EPS8L2: variants seen among roughly 807,000 people sequenced by gnomAD.
The protein encoded by EPS8L2 is EPS8 signaling adaptor L2.
In EPS8L2, 81 loss-of-function variants were observed where a neutral mutation model predicts 99.4. That is an observed-to-expected ratio of 0.82 (90% confidence interval 0.68 to 0.98). The LOEUF (loss-of-function observed/expected upper bound fraction) is 0.98, where lower values mean the gene tolerates loss of function less well. EPS8L2 is among the 50% of genes least tolerant of loss of function. The pLI is 0.00. For missense variants in EPS8L2, 1,155 were observed against 968.8 expected (o/e 1.19, Z -2.55); for synonymous variants, 509 against 407.3 (o/e 1.25, Z -3.01).
intron 8 of EPS8L2, 24 bp from the exon 9 acceptor site, chr11:721,261 A>G: frequency 6.5e-7 from 1 of 1,536,258 alleles, no homozygotes; most frequent in Non-Finnish European, 8.7e-7. Flanking sequence ...GGGCTCGGTG[A>G]GCAGCCGCCG....
At chr11:709,794 C>A (rs544961905) in intron 3 of EPS8L2, 186 bp downstream of exon 3, 5 of 639,722 alleles carry the variant, frequency 7.8e-6, no homozygotes, top group South Asian at 5.6e-5. Context: ...TCCCCTCCCC[C>A]ACACCCGTAA....
In EPS8L2 at chr11:709,434, C is replaced by G. The variant is rs748260843; in HGVS notation, c.27C>G (p.Cys9Trp). 1.9e-6 allele frequency: 3 copies of G among 1,596,208 alleles called. No homozygotes were observed. In the African/African-American group the frequency reaches 4.0e-5, roughly 21 times the overall value. ...TGAGCCAGTCCGGGGCCGTGAGCTG[C>G]TGCCCGGGTGCCACCAAGTGAGCCC... MSQSGAVS[C>W]CPGATNGSLG... The change falls in exon 2 of 21, where the codon TGC (cysteine) becomes TGG (tryptophan). Residue 9 changes from cysteine (C) to tryptophan (W), a missense_variant. Coordinates refer to ENST00000318562, the MANE Select transcript of EPS8L2 (RefSeq NM_022772.4).
chr11:726,962 G>A lies in EPS8L2; in HGVS notation c.2129G>A (p.Arg710Lys), dbSNP rs747551754. ...AACAAGTTTCATTCCATGAATCAGA[G>A]GAGGGGGGAGGACAGCTAGGCCCAG... ...LMNKFHSMNQ[R>K]RGEDS is the part of the protein sequence containing the mutation. The change falls in exon 21 of 21, where the codon AGG (arginine) becomes AAG (lysine). Residue 710 changes from arginine to lysine, a missense_variant. By Grantham distance (26) the Arg-to-Lys change is conservative (BLOSUM62 2). Coordinates refer to ENST00000318562, the MANE Select transcript of EPS8L2 (RefSeq NM_022772.4). 2 of 1,613,302 alleles carry A rather than the reference G, an allele frequency of 1.2e-6. No individual in the cohort carries two copies. The highest frequency in any genetic ancestry group is 1.1e-5 in the South Asian group (1 of 90,988).
At position 709,580 on chromosome 11, in the gene EPS8L2, G is replaced by C; in HGVS notation, c.72G>C (p.Val24=). The C allele has an allele frequency of 6.2e-7, 1 of 1,613,116 alleles. No individual in the cohort carries two copies. Among genetic ancestry groups the C allele is most frequent in the South Asian group, 1.1e-5 (1 of 91,062 alleles). ...GCAGCCTGGGCCGGTCCGACGGTGT[G>C]GCCAAGATGAGCCCCAAGGACCTGT... The part of the protein sequence containing the change: ...TNGSLGRSDG[V]AKMSPKDLFE... The change falls in exon 3 of 21, where the codon GTG becomes GTC. Residue 24 remains valine (V), a synonymous_variant. Coordinates refer to ENST00000318562, the MANE Select transcript of EPS8L2 (RefSeq NM_022772.4).
rs760933385 is a variant in EPS8L2 at position 722,727 on chromosome 11, C to T, written c.1263C>T (p.Ser421=). 1.1e-5 allele frequency: 17 copies of T among 1,607,424 alleles called. No individual in the cohort carries two copies. Among genetic ancestry groups the T allele is most frequent in the East Asian group, 6.7e-5 (3 of 44,638 alleles). The stretch of plus-strand genomic sequence containing the variant: ...CCCTCTACGTGCCCAAGTTCCACAG[C>T]GGCTGGGAGCCTCCTGTGGATGTGC... ...QVPLYVPKFH[S]GWEPPVDVLQ... The change falls in exon 14 of 21, where the codon AGC becomes AGT. Residue 421 remains serine, a synonymous_variant. Transcript: ENST00000318562.
Position 724,613 on chromosome 11 carries a change from GAA to G in EPS8L2, c.1455-108_1455-107del. ...TCTCTCCACGGTGACCTCCAGAACA[GAA>G]AAGAGGCAGCCAGTCGTGCACCTGG... On this transcript the variant is annotated intron_variant, in intron 15 of 20. Transcript: ENST00000318562. The surrounding 1 kb of genome is among the most constrained non-coding windows in gnomAD (Gnocchi z 5.5). 2.7e-6 allele frequency: 2 copies of G among 747,926 alleles called. No individual in the cohort carries two copies. The highest frequency in any genetic ancestry group is 3.0e-5 in the South Asian group (2 of 67,192). 46.3% of individuals were successfully genotyped at this position (747,926 alleles called of 1,614,324 possible). A position where few individuals can be genotyped will look rare whatever the true frequency, so the allele number is the denominator to read the frequency against.
chr11:711,876 G>C (rs1338212722), intron 4 of EPS8L2, among the ~76,000 whole-genome samples: 1 of 151,956 alleles, frequency 6.6e-6, no homozygotes, highest in Non-Finnish European at 1.5e-5. Flanking sequence ...CCAGCTACTC[G>C]GGAGGCTGAG....
At chr11:713,835 C>T (rs555089404) in intron 4 of EPS8L2, among the ~76,000 whole-genome samples, 6 of 152,228 alleles carry the variant, frequency 3.9e-5, no homozygotes, top group Non-Finnish European at 7.3e-5. Context: ...CGTGAGCCAC[C>T]GTGCCTGGCC....
intron 1 of EPS8L2, among the ~76,000 whole-genome samples, chr11:706,977 C>G (rs1215539868): frequency 1.3e-5 from 2 of 152,160 alleles, no homozygotes; most frequent in Middle Eastern, 3.4e-3. Context: ...CTGGCGTTGC[C>G]CCTTGCTGCG....
In EPS8L2 at chr11:725,820, G is replaced by A. The variant is rs770200365; in HGVS notation, c.1653G>A (p.Pro551=). The change falls in exon 17 of 21, where the codon CCG becomes CCA. Residue 551 remains proline (P), a synonymous_variant. Transcript: ENST00000318562. ...GCAACATCCTAGGCGAGGCGCGACC[G>A]GAGGACGCCGGCGCCCCGTTCGAGC... is the stretch of plus-strand genomic sequence containing the variant. ...VPCNILGEAR[P]EDAGAPFEQA... 6 of 1,385,982 alleles carry A rather than the reference G, an allele frequency of 4.3e-6. No homozygotes were observed. The highest frequency in any genetic ancestry group is 2.8e-4 in the Middle Eastern group (1 of 3,630). 85.9% of individuals were successfully genotyped at this position (1,385,982 alleles called of 1,614,324 possible). A position where few individuals can be genotyped will look rare whatever the true frequency, so the allele number is the denominator to read the frequency against.
At position 722,379 on chromosome 11, in the gene EPS8L2, T is replaced by G. The variant is rs1445292779; in HGVS notation, c.1060-22T>G. The G allele has an allele frequency of 1.9e-6, 3 of 1,611,134 alleles. No homozygotes were observed. The Admixed American group carries it at 5.0e-5, about 27-fold the overall frequency. On this transcript the variant is annotated intron_variant, in intron 12 of 20. Coordinates refer to ENST00000318562, the MANE Select transcript of EPS8L2 (RefSeq NM_022772.4). ...CCAGGGTCTGTGGGCCTCAGTCCCCTCTGAACCTCACTGTGCCCCAGATCG... is the reference window on the plus strand; with the variant it reads ...CCAGGGTCTGTGGGCCTCAGTCCCCGCTGAACCTCACTGTGCCCCAGATCG...
rs373368389 is a variant in EPS8L2 at position 715,713 on chromosome 11, T to C, written c.166-4349T>C. Among the ~76,000 whole-genome samples the C allele has an allele frequency of 4.4e-4, 64 of 145,364 alleles. 2 individuals are homozygous for C. The highest frequency in any genetic ancestry group is 2.6e-3 in the East Asian group (12 of 4,530). ...TTGATTCACTGCAAGCTCCGCCTCC[T>C]GGGTTCACGCCATTCTCCTGCCTCA... On this transcript the variant is annotated intron_variant, in intron 4 of 20. Transcript: ENST00000318562.
intron 12 of EPS8L2, 48 bp downstream of exon 12, chr11:722,213 C>T (rs1252998203): frequency 6.3e-7 from 1 of 1,590,612 alleles, no homozygotes; most frequent in Non-Finnish European, 8.6e-7. Context: ...GGCCCAGAGG[C>T]CTCTGCAGCA....
At chr11:720,028 C>A in intron 4 of EPS8L2, 34 bp from the exon 5 acceptor site, 1 of 1,586,854 alleles carries the variant, frequency 6.3e-7, no homozygotes, top group Admixed American at 1.8e-5. Flanking sequence ...ACAAGGAGGG[C>A]TCTGCCCAGC....
Position 724,182 on chromosome 11 carries a change from G to A in EPS8L2, c.1455-542G>A, listed in dbSNP as rs902973501. ...GGATGGACGGCCTGGCCAGGTGACA[G>A]CCACAGGCCTGCTACATGCCAAAGC... On this transcript the variant is annotated intron_variant, in intron 15 of 20. Transcript: ENST00000318562. The surrounding 1 kb of genome is among the most constrained non-coding windows in gnomAD (Gnocchi z 5.5). Among the ~76,000 whole-genome samples, 3 of 152,202 alleles carry A rather than the reference G, an allele frequency of 2.0e-5. No individual in the cohort carries two copies. Among genetic ancestry groups the A allele is most frequent in the African/African-American group, 7.2e-5 (3 of 41,454 alleles).
chr11:721,659 A>G lies in EPS8L2; in HGVS notation c.863A>G (p.Lys288Arg), dbSNP rs1219674573. 5.1e-6 allele frequency: 8 copies of G among 1,583,026 alleles called. No individual in the cohort carries two copies. Among genetic ancestry groups the G allele is most frequent in the Admixed American group, 3.9e-5 (2 of 51,062 alleles). ...EAFKQLNQRK[K>R]GKKKGKKAPA... ...TTCAAGCAGCTGAACCAGCGGAAAA[A>G]GGGGAAGAAGAAGGGCAAGAAGGCG... is the stretch of plus-strand genomic sequence containing the variant. The change falls in exon 10 of 21, where the codon AAG becomes AGG. Residue 288 changes from lysine to arginine, a missense_variant. Coordinates refer to ENST00000318562, the MANE Select transcript of EPS8L2 (RefSeq NM_022772.4).
chr11:711,892 A>G (rs1251566739), intron 4 of EPS8L2, among the ~76,000 whole-genome samples: 1 of 152,148 alleles, frequency 6.6e-6, no homozygotes, highest in Non-Finnish European at 1.5e-5. Flanking sequence ...CTGAGGCAGG[A>G]GAATCACTGG....
intron 4 of EPS8L2, 69 bp from the exon 5 acceptor site, chr11:719,993 G>A: frequency 6.7e-7 from 1 of 1,493,934 alleles, no homozygotes; most frequent in East Asian, 2.4e-5. Context: ...CTCAGGCTGT[G>A]GCCCCTGGGG....
intron 4 of EPS8L2, among the ~76,000 whole-genome samples, chr11:717,271 G>C (rs536195726): frequency 6.6e-6 from 1 of 152,308 alleles, no homozygotes; most frequent in East Asian, 1.9e-4. Context: ...CACCGTGTCT[G>C]GCCCTGTGCC....
Sources: allele counts gnomAD v4.1 joint callset (sites outside exome capture counted in the v4.1 genomes callset), GRCh38; gene constraint gnomAD v4.1.1; non-coding constraint Gnocchi (gnomAD v3.1); transcripts MANE v1.5; gene names NCBI Gene and HGNC (gene_info 2026-07-23, HGNC 2026-07-21).